Variants in SVEP1 observed in about 807,000 individuals in gnomAD.
SVEP1 encodes the protein sushi, von Willebrand factor type A, EGF and pentraxin domain-containing protein 1.
SVEP1 carries 164 observed loss-of-function variants against 367.3 expected under a neutral mutation model. The observed-to-expected ratio is 0.45, with a 90% CI of 0.39 to 0.51. SVEP1 has a LOEUF of 0.51. SVEP1 is among the 20% of genes least tolerant of loss of function. SVEP1 has a pLI of 0.00. For synonymous variants in SVEP1, 1,666 were observed against 1,611.6 expected (o/e 1.03, Z -0.81); for missense variants, 4,117 against 4,425.3 (o/e 0.93, Z 1.98).
At chr9:110,422,395 A>G (rs1211851577) in intron 36 of SVEP1, among the ~76,000 whole-genome samples, 1 of 11,438 alleles carries the variant, frequency 8.7e-5, no homozygotes, top group South Asian at 2.9e-3. Context: ...GCCATCAGAG[A>G]AATGCAAATC....
intron 44 of SVEP1, among the ~76,000 whole-genome samples, chr9:110,377,871 C>T (rs1393130773): frequency 1.3e-5 from 2 of 152,038 alleles, no homozygotes; most frequent in East Asian, 3.9e-4. Flanking sequence ...ATCTCCCTAT[C>T]CTCACCCCCT....
intron 1 of SVEP1, among the ~76,000 whole-genome samples, chr9:110,567,365 T>C (rs1830504588): frequency 6.6e-6 from 1 of 152,206 alleles, no homozygotes; most frequent in African/African-American, 2.4e-5. Flanking sequence ...TGAATACAAA[T>C]TAACTCTGAA....
At chr9:110,429,705 T>C (rs1447093306) in intron 34 of SVEP1, among the ~76,000 whole-genome samples, 1 of 152,178 alleles carries the variant, frequency 6.6e-6, no homozygotes, top group African/African-American at 2.4e-5. Flanking sequence ...GAGGTAATGA[T>C]AGATTATTGG....
At chr9:110,497,078 C>A (rs1056455390) in intron 7 of SVEP1, 145 bp from the exon 8 acceptor site, 3 of 532,018 alleles carry the variant, frequency 5.6e-6, no homozygotes, top group Admixed American at 3.1e-5. Context: ...CTGCACCCAC[C>A]TGCTTTCCTG....
intron 43 of SVEP1, 36 bp from the exon 44 acceptor site, chr9:110,379,553 A>G: frequency 1.2e-6 from 2 of 1,605,318 alleles, no homozygotes; most frequent in African/African-American, 1.3e-5. Flanking sequence ...AGCTTGTGCT[A>G]TTAACACAGA....
Position 110,366,480 on chromosome 9 carries a change from C to T in SVEP1, c.*59G>A. ...TTCTTTGCATAAGTTCCAGGATGCC[C>T]AGGCACTACCGAGGAGAGATGATCC... On this transcript the variant is annotated 3_prime_UTR_variant, in exon 48 of 48. Transcript: ENST00000374469. The T allele has an allele frequency of 6.8e-7, 1 of 1,473,640 alleles. No individual in the cohort carries two copies. Among genetic ancestry groups the T allele is most frequent in the South Asian group, 1.5e-5 (1 of 66,752 alleles). The allele number at this position is 1,473,640 out of a possible 1,614,324, so 91.3% of individuals were successfully genotyped here. A position where few individuals can be genotyped will look rare whatever the true frequency, so the allele number is the denominator to read the frequency against.
At position 110,387,329 on chromosome 9, in the gene SVEP1, C is replaced by T; in HGVS notation, c.10016G>A (p.Cys3339Tyr). Reference sequence around the variant, plus strand: ...GTGGCTCCAGGTTCCATTTTCTGTGCAGTGTGCCTCAGATGGCCCTTCAAG... The same window carrying T: ...GTGGCTCCAGGTTCCATTTTCTGTGTAGTGTGCCTCAGATGGCCCTTCAAG... ...YSLEGPSEAH[C>Y]TENGTWSHPV... Residue 3339 changes from cysteine to tyrosine, a missense_variant, in exon 42 of 48, where the codon TGC becomes TAC. Physicochemically the swap from Cys to Tyr is radical, Grantham distance 194. Transcript: ENST00000374469. 1 of 1,611,784 alleles carries T rather than the reference C, an allele frequency of 6.2e-7. No homozygotes were observed. The highest frequency in any genetic ancestry group is 1.1e-5 in the South Asian group (1 of 90,646).
intron 9 of SVEP1, among the ~76,000 whole-genome samples, chr9:110,489,269 A>G (rs1307407698): frequency 2.0e-5 from 3 of 152,182 alleles, no homozygotes; most frequent in South Asian, 2.1e-4. Flanking sequence ...AAATGATTCA[A>G]TGAAGACTTA....
chr9:110,446,551 G>C (rs981726881), intron 25 of SVEP1, among the ~76,000 whole-genome samples: 1 of 152,236 alleles, frequency 6.6e-6, no homozygotes, highest in Non-Finnish European at 1.5e-5. Context: ...AAAGTATTTA[G>C]ATTTGATCTG....
At chr9:110,370,466 T>A (rs1248658102) in intron 46 of SVEP1, among the ~76,000 whole-genome samples, 1 of 152,150 alleles carries the variant, frequency 6.6e-6, no homozygotes, top group Non-Finnish European at 1.5e-5. Flanking sequence ...TATGATTGAT[T>A]GGGTGATTAA....
At position 110,376,396 on chromosome 9, in the gene SVEP1, T is replaced by C. The variant is rs188963863; in HGVS notation, c.10504+875A>G. On this transcript the variant is annotated intron_variant, in intron 45 of 47. Coordinates refer to ENST00000374469, the MANE Select transcript of SVEP1 (RefSeq NM_153366.4). ...GGGAGCTCTAGGTGAAATGGAATGATTGGGGTGAGCTGGAAGAGAAAAGTG... is the reference window on the plus strand; with the variant it reads ...GGGAGCTCTAGGTGAAATGGAATGACTGGGGTGAGCTGGAAGAGAAAAGTG... 2.5e-3 allele frequency among the ~76,000 whole-genome samples: 374 copies of C among 152,314 alleles called. 5 individuals carry two copies. The highest frequency in any genetic ancestry group is 8.4e-3 in the African/African-American group (350 of 41,574).
In SVEP1 at chr9:110,469,017, C is replaced by T. The variant is rs201593345; in HGVS notation, c.3083G>A (p.Gly1028Glu). The T allele has an allele frequency of 1.6e-5, 26 of 1,613,618 alleles. No homozygotes were observed. Among genetic ancestry groups the T allele is most frequent in the Middle Eastern group, 1.6e-4 (1 of 6,084 alleles). Residue 1028 changes from glycine (G) to glutamate (E), a missense_variant, in exon 17 of 48, where the codon GGG becomes GAG. This residue lies in a region of SVEP1 where 2,174 missense variants were observed against 2,494.3 expected (regional missense o/e 0.87). Coordinates refer to ENST00000374469, the MANE Select transcript of SVEP1 (RefSeq NM_153366.4). ...GGGGCAAAGCTTGCACTCAAGTTGC[C>T]CTTCTTCATCTTGATAGGATCCGAT... ...CRIGSYQDEE[G>E]QLECKLCPSG...
At chr9:110,473,173 C>G (rs1234409698) in intron 14 of SVEP1, among the ~76,000 whole-genome samples, 2 of 152,136 alleles carry the variant, frequency 1.3e-5, no homozygotes, top group African/African-American at 4.8e-5. Flanking sequence ...ATAGGCCTCT[C>G]TACTTAAGTA....
chr9:110,528,110 A>G (rs962016030), intron 3 of SVEP1, among the ~76,000 whole-genome samples: 1 of 144,566 alleles, frequency 6.9e-6, no homozygotes, highest in African/African-American at 2.5e-5. Flanking sequence ...ACACACATAT[A>G]CATATATACA....
intron 42 of SVEP1, 31 bp from the exon 43 acceptor site, chr9:110,386,105 T>C: frequency 4.4e-6 from 7 of 1,591,642 alleles, no homozygotes; most frequent in Non-Finnish European, 6.0e-6. Flanking sequence ...TGCTTACTGA[T>C]ATTTCCCCTC....
chr9:110,474,395 G>T (rs1485829885), intron 14 of SVEP1, among the ~76,000 whole-genome samples: 2 of 152,098 alleles, frequency 1.3e-5, no homozygotes, highest in African/African-American at 4.8e-5. Context: ...ACCTTCCAAG[G>T]CATGGTTATA....
chr9:110,545,990 G>T, intron 3 of SVEP1, 125 bp downstream of exon 3: 2 of 1,202,568 alleles, frequency 1.7e-6, no homozygotes. Flanking sequence ...AAGCCCCAAA[G>T]AGATGTGCCA....
At chr9:110,425,385 T>C (rs984538554) in intron 36 of SVEP1, among the ~76,000 whole-genome samples, 15 of 152,214 alleles carry the variant, frequency 9.9e-5, no homozygotes, top group Admixed American at 9.8e-4. Context: ...TCTCATACCC[T>C]TTAACAATTA....
chr9:110,531,530 C>T (rs1242408209), intron 3 of SVEP1, among the ~76,000 whole-genome samples: 1 of 152,110 alleles, frequency 6.6e-6, no homozygotes, highest in Non-Finnish European at 1.5e-5. Context: ...TCCTTGCTGC[C>T]ACTACATGAA....
Sources: allele counts gnomAD v4.1 joint callset (sites outside exome capture counted in the v4.1 genomes callset), GRCh38; gene constraint gnomAD v4.1.1; regional missense constraint gnomAD v4.1.1; transcripts MANE v1.5; gene names NCBI Gene and HGNC (gene_info 2026-07-23, HGNC 2026-07-21).